The following INTS3 variants were observed in gnomAD, a reference collection of about 807,000 sequenced individuals.
INTS3 encodes the protein SOSS complex subunit A.
Under a neutral mutation model 146.3 loss-of-function variants are expected in INTS3, and 34 were observed. The observed-to-expected ratio is 0.23, with a 90% CI of 0.18 to 0.31. INTS3 has a LOEUF of 0.31. Ranked by LOEUF, INTS3 falls within the 10% of genes least tolerant of loss-of-function variation. The pLI, the probability that INTS3 is intolerant of heterozygous loss-of-function variation, is 1.00. For synonymous variants in INTS3, 475 were observed against 494.9 expected, an observed-to-expected ratio of 0.96 and a Z score of 0.53; for missense variants, 757 against 1,304.2, an observed-to-expected ratio of 0.58 and a Z score of 6.46.
intron 1 of INTS3, among the ~76,000 whole-genome samples, chr1:153,740,300 G>C (rs183496301): frequency 3.3e-5 from 5 of 150,936 alleles, no homozygotes; most frequent in Non-Finnish European, 5.9e-5. Flanking sequence ...GGGTTTCACC[G>C]TGTTGGCCAG....
chr1:153,761,815 G>T (rs1463254092), intron 14 of INTS3, 139 bp downstream of exon 14: 1 of 558,764 alleles, frequency 1.8e-6, no homozygotes, highest in Non-Finnish European at 3.2e-6. Flanking sequence ...TCCTTCCTCA[G>T]TTTATCTTTT....
chr1:153,752,078 CT>C, intron 7 of INTS3, 200 bp from the exon 8 acceptor site: 1 of 602,972 alleles, frequency 1.7e-6, no homozygotes, highest in Non-Finnish European at 2.9e-6. Flanking sequence ...ACCTCTCATC[CT>C]TGATATCAGT....
At chr1:153,770,784 G>A (rs1428139043) in intron 25 of INTS3, 51 bp downstream of exon 25, 5 of 1,435,804 alleles carry the variant, frequency 3.5e-6, no homozygotes, top group East Asian at 2.3e-5. Context: ...CATCCCAAGA[G>A]CTGCTGTGGT....
At chr1:153,756,868 T>C (rs1309552307) in intron 9 of INTS3, among the ~76,000 whole-genome samples, 1 of 152,230 alleles carries the variant, frequency 6.6e-6, no homozygotes, top group Non-Finnish European at 1.5e-5. Context: ...ATAGCTGCAT[T>C]TCACATGCAT....
intron 3 of INTS3, among the ~76,000 whole-genome samples, chr1:153,746,298 T>C (rs1671731863): frequency 6.6e-6 from 1 of 152,192 alleles, no homozygotes; most frequent in Non-Finnish European, 1.5e-5. Context: ...CCACCTGGTT[T>C]TGCTCAGCCT....
intron 14 of INTS3, 43 bp downstream of exon 14, chr1:153,761,719 C>A: frequency 7.2e-7 from 1 of 1,395,382 alleles, no homozygotes; most frequent in Non-Finnish European, 1.0e-6. Context: ...AAAAGAGGGG[C>A]AAGACAACCA....
intron 1 of INTS3, among the ~76,000 whole-genome samples, chr1:153,739,629 C>T (rs1464189809): frequency 2.0e-5 from 3 of 151,550 alleles, no homozygotes; most frequent in East Asian, 3.9e-4. Flanking sequence ...CCACCGCACC[C>T]AGCTAATTTT....
Position 153,751,134 on chromosome 1 carries a change from T to C in INTS3, c.624T>C (p.Ala208=), listed in dbSNP as rs760846431. The change falls in exon 7 of 30, where the codon GCT becomes GCC. Residue 208 remains alanine, a synonymous_variant. Transcript: ENST00000318967. ...VLKSSILIAM[A]VYTYLRLIVD... is the part of the protein sequence containing the mutation. ...AGAGCAGCATCCTCATTGCCATGGC[T>C]GTTTACACGTACCTCCGCCTCATCG... 23 of 1,614,062 alleles carry C rather than the reference T, an allele frequency of 1.4e-5. No individual in the cohort carries two copies. Among genetic ancestry groups the C allele is most frequent in the Admixed American group, 8.3e-5 (5 of 60,002 alleles).
In INTS3 at chr1:153,773,002, C is replaced by G. The variant is rs1215093834; in HGVS notation, c.2972C>G (p.Ala991Gly). 6.2e-7 allele frequency: 1 copy of G among 1,614,228 alleles called. No homozygotes were observed. The highest frequency in any genetic ancestry group is 2.2e-5 in the East Asian group (1 of 44,882). Residue 991 changes from alanine (A) to glycine (G), a missense_variant, in exon 29 of 30, where the codon GCT becomes GGT. Physicochemically the swap from Ala to Gly is moderately conservative, Grantham distance 60 (BLOSUM62 0). Transcript: ENST00000318967. ...CCACCCAAGAGCCGGCGAAAAGCAG[C>G]TCTGTCCAGCCCTCGAAGTCGAAAG... ...TKPPKSRRKA[A>G]LSSPRSRKNA... is the part of the protein sequence containing the mutation.
intron 1 of INTS3, among the ~76,000 whole-genome samples, chr1:153,733,462 C>G (rs1401776750): frequency 6.6e-6 from 1 of 151,548 alleles, no homozygotes; most frequent in East Asian, 2.0e-4. Flanking sequence ...CTTCCTGCCT[C>G]AGCTTCCCAA....
At chr1:153,748,972 A>G (rs975305396) in intron 6 of INTS3, among the ~76,000 whole-genome samples, 6 of 152,192 alleles carry the variant, frequency 3.9e-5, no homozygotes, top group Admixed American at 2.6e-4. Context: ...AAAATATCGC[A>G]TAGCCCAGAA....
chr1:153,769,730 A>T (rs778663646), intron 22 of INTS3, 39 bp from the exon 23 acceptor site: 1 of 1,431,796 alleles, frequency 7.0e-7, no homozygotes, highest in Non-Finnish European at 9.9e-7. Context: ...GGCCCCTTTC[A>T]GAGCTGATGG....
Position 153,772,817 on chromosome 1 carries a change from C to T in INTS3, c.2894+106C>T, listed in dbSNP as rs1672957329. On this transcript the variant is annotated intron_variant, in intron 28 of 29. Transcript: ENST00000318967. This position sits in a 1 kb window ranked among gnomAD's most constrained non-coding sequence, Gnocchi z 4.6. ...GTAATGGCCAGCAAGACCTTAGGGT[C>T]CAGGGTTGAAGAAAAAGAAGGCCTA... 6.3e-7 allele frequency: 1 copy of T among 1,581,896 alleles called. No individual in the cohort carries two copies. Among genetic ancestry groups the T allele is most frequent in the Admixed American group, 1.8e-5 (1 of 57,140 alleles).
intron 3 of INTS3, 34 bp downstream of exon 3, chr1:153,741,402 C>T (rs1428273296): frequency 2.1e-6 from 3 of 1,448,132 alleles, no homozygotes; most frequent in Non-Finnish European, 2.9e-6. Context: ...ATAAACCCTC[C>T]TCATATATGA....
intron 25 of INTS3, among the ~76,000 whole-genome samples, chr1:153,771,041 C>T (rs1672836330): frequency 6.6e-6 from 1 of 152,180 alleles, no homozygotes; most frequent in African/African-American, 2.4e-5. Flanking sequence ...CGCCGCGCCC[C>T]CCCCACCGCC....
At chr1:153,732,992 G>T (rs1475476362) in intron 1 of INTS3, among the ~76,000 whole-genome samples, 1 of 150,760 alleles carries the variant, frequency 6.6e-6, no homozygotes, top group Non-Finnish European at 1.5e-5. Context: ...TTTTAGTAGA[G>T]ACAGGGTTTC....
intron 3 of INTS3, among the ~76,000 whole-genome samples, chr1:153,742,835 C>T (rs1415931913): frequency 1.3e-5 from 2 of 152,234 alleles, no homozygotes; most frequent in Non-Finnish European, 2.9e-5. Context: ...GTGGGAGGCC[C>T]AGGCCCTCTG....
At chr1:153,746,690 T>C (rs898259020) in intron 3 of INTS3, among the ~76,000 whole-genome samples, 11 of 151,422 alleles carry the variant, frequency 7.3e-5, no homozygotes, top group Admixed American at 2.6e-4. Context: ...CGTGAGCCAC[T>C]GCACCTGGCT....
chr1:153,740,621 C>T (rs1671492271), intron 1 of INTS3, 30 bp from the exon 2 acceptor site: 1 of 1,548,612 alleles, frequency 6.5e-7, no homozygotes. Context: ...TGTTATGACA[C>T]ACTGTTCATT....
Sources: gnomAD v4.1 joint callset for allele counts (sites outside exome capture counted in the v4.1 genomes callset) on GRCh38, gnomAD v4.1.1 for gene constraint, Gnocchi (gnomAD v3.1) non-coding constraint, MANE v1.5 for transcripts, NCBI Gene and HGNC (gene_info 2026-07-23, HGNC 2026-07-21) for gene names.